Variants in PTPRG observed in about 807,000 individuals in gnomAD.
PTPRG encodes protein tyrosine phosphatase receptor type G.
Under a neutral mutation model 165.3 loss-of-function variants are expected in PTPRG, and 102 were observed. The ratio of observed to expected loss-of-function variants is 0.62; its 90% CI spans 0.53 to 0.73. The LOEUF (loss-of-function observed/expected upper bound fraction) is 0.73. PTPRG is among the 30% of genes least tolerant of loss of function. The probability of loss-of-function intolerance (pLI) is 0.00; values close to 1 mark genes in which losing one functional copy is unlikely to be tolerated. For missense variants in PTPRG, 1,866 were observed against 1,861.4 expected (o/e 1.00, Z -0.05); for synonymous variants, 675 against 669.5 (o/e 1.01, Z -0.13).
chr3:61,890,544 C>G (rs930497726), intron 2 of PTPRG, among the ~76,000 whole-genome samples: 1 of 151,140 alleles, frequency 6.6e-6, no homozygotes, highest in African/African-American at 2.4e-5. Context: ...AACAAACATT[C>G]CTTGAAGCAG....
At chr3:62,143,895 C>T (rs1704020004) in intron 6 of PTPRG, among the ~76,000 whole-genome samples, 1 of 152,154 alleles carries the variant, frequency 6.6e-6, no homozygotes, top group Admixed American at 6.5e-5. Flanking sequence ...AATGAAAGTG[C>T]TTATCTCACG....
chr3:61,763,266 C>T (rs1370532682), intron 2 of PTPRG, among the ~76,000 whole-genome samples: 1 of 151,566 alleles, frequency 6.6e-6, no homozygotes, highest in Non-Finnish European at 1.5e-5. Flanking sequence ...GAGACGGAGT[C>T]TCACCCTGTT....
intron 2 of PTPRG, among the ~76,000 whole-genome samples, chr3:61,898,158 A>C (rs886967846): frequency 6.6e-6 from 1 of 152,196 alleles, no homozygotes; most frequent in Non-Finnish European, 1.5e-5. Flanking sequence ...TTGGTCTTTC[A>C]TCATTAAGTA....
chr3:61,976,576 C>T (rs1024046722), intron 2 of PTPRG, among the ~76,000 whole-genome samples: 1 of 152,098 alleles, frequency 6.6e-6, no homozygotes, highest in Non-Finnish European at 1.5e-5. Flanking sequence ...ATATTGACTT[C>T]CTTTTTAATA....
intron 29 of PTPRG, 62 bp downstream of exon 29, chr3:62,292,618 T>G (rs1702939294): frequency 1.3e-6 from 2 of 1,562,060 alleles, no homozygotes; most frequent in African/African-American, 1.4e-5. Flanking sequence ...ACTCACAGTT[T>G]AGAGCAGTAG....
At chr3:62,126,959 G>T (rs2106910824) in intron 5 of PTPRG, among the ~76,000 whole-genome samples, 1 of 152,282 alleles carries the variant, frequency 6.6e-6, no homozygotes, top group Non-Finnish European at 1.5e-5. Flanking sequence ...TGTCAAAAGG[G>T]AAAAACTACA....
chr3:61,872,420 T>C (rs1359532275), intron 2 of PTPRG, among the ~76,000 whole-genome samples: 1 of 152,172 alleles, frequency 6.6e-6, no homozygotes, highest in Non-Finnish European at 1.5e-5. Flanking sequence ...TTGGTTCTAG[T>C]GTTTGGCTCT....
chr3:61,664,504 A>G (rs1292144884), intron 1 of PTPRG, among the ~76,000 whole-genome samples: 2 of 152,240 alleles, frequency 1.3e-5, no homozygotes, highest in African/African-American at 2.4e-5. Context: ...TTTGTGCTGT[A>G]AATAATTATG....
intron 1 of PTPRG, among the ~76,000 whole-genome samples, chr3:61,673,534 T>G (rs55753309): frequency 1.3e-3 from 191 of 152,266 alleles, no homozygotes; most frequent in African/African-American, 4.5e-3. Context: ...GAGTACAAAT[T>G]TATTTCTACA....
chr3:61,824,273 T>C (rs1316712792), intron 2 of PTPRG, among the ~76,000 whole-genome samples: 2 of 152,274 alleles, frequency 1.3e-5, no homozygotes, highest in Non-Finnish European at 2.9e-5. Context: ...TGACTTGTCA[T>C]ATTTGTAGAT....
intron 1 of PTPRG, among the ~76,000 whole-genome samples, chr3:61,667,428 C>G (rs1327654161): frequency 1.3e-5 from 2 of 152,068 alleles, no homozygotes; most frequent in Non-Finnish European, 2.9e-5. Context: ...GATACTGGTT[C>G]TAGATAATGC....
chr3:62,239,517 G>A (rs202030004), intron 14 of PTPRG, among the ~76,000 whole-genome samples: 13 of 151,452 alleles, frequency 8.6e-5, no homozygotes, highest in African/African-American at 3.1e-4. Context: ...CTACAGGCAC[G>A]TGCCACCACA....
At chr3:62,151,709 G>A (rs1219185066) in intron 6 of PTPRG, among the ~76,000 whole-genome samples, 1 of 151,726 alleles carries the variant, frequency 6.6e-6, no homozygotes, top group Non-Finnish European at 1.5e-5. Flanking sequence ...CTAGTAAGTG[G>A]CTGGGACAGG....
chr3:61,678,159 G>GCTTTGGTTTGCT (rs1703302579), intron 1 of PTPRG, among the ~76,000 whole-genome samples: 1 of 152,144 alleles, frequency 6.6e-6, no homozygotes, highest in African/African-American at 2.4e-5. Flanking sequence ...CAAACCAAAG[G>GCTTTGGTTTGCT]CATGCGTGTG....
intron 2 of PTPRG, among the ~76,000 whole-genome samples, chr3:61,828,939 A>G (rs1008890103): frequency 1.3e-5 from 2 of 152,180 alleles, no homozygotes; most frequent in East Asian, 3.8e-4. Flanking sequence ...CTGTACCCAG[A>G]AGAGGTGAAA....
intron 2 of PTPRG, among the ~76,000 whole-genome samples, chr3:61,798,890 A>G (rs1156329477): frequency 6.6e-6 from 1 of 152,056 alleles, no homozygotes; most frequent in East Asian, 1.9e-4. Context: ...CCTCCTGTTG[A>G]TGGGGTAGAG....
At position 62,224,864 on chromosome 3, in the gene PTPRG, A is replaced by G. The variant is rs906965201; in HGVS notation, c.2288+5881A>G. Among the ~76,000 whole-genome samples, 3 of 152,212 alleles carry G rather than the reference A, an allele frequency of 2.0e-5. No individual in the cohort carries two copies. Among genetic ancestry groups the G allele is most frequent in the Admixed American group, 6.5e-5 (1 of 15,282 alleles). On this transcript the variant is annotated intron_variant, in intron 13 of 29. Transcript: ENST00000474889. The surrounding 1 kb of genome is among the most constrained non-coding windows in gnomAD (Gnocchi z 4.9). The stretch of plus-strand genomic sequence containing the variant: ...TAGTTCTCCCTTGAATGTCCCTCGC[A>G]AAGGTCTGCCTTGAAGAGCTGTAGG...
chr3:61,749,068 A>G (rs1233819017), intron 2 of PTPRG, 86 bp downstream of exon 2: 1 of 1,061,840 alleles, frequency 9.4e-7, no homozygotes, highest in Admixed American at 1.9e-5. Context: ...AATCACTTTT[A>G]TGCCTGAGTT....
At chr3:62,121,774 G>T (rs1018967832) in intron 5 of PTPRG, among the ~76,000 whole-genome samples, 1 of 152,184 alleles carries the variant, frequency 6.6e-6, no homozygotes, top group Non-Finnish European at 1.5e-5. Flanking sequence ...GCTTAAATAA[G>T]TAGACTACAT....
Sources: gnomAD v4.1 joint callset for allele counts (sites outside exome capture counted in the v4.1 genomes callset) on GRCh38, gnomAD v4.1.1 for gene constraint, Gnocchi (gnomAD v3.1) non-coding constraint, MANE v1.5 for transcripts, NCBI Gene and HGNC (gene_info 2026-07-23, HGNC 2026-07-21) for gene names.